Variants in DNAH8 observed in about 807,000 individuals in gnomAD.
DNAH8 encodes axonemal beta dynein heavy chain 8.
Under a neutral mutation model 562.1 loss-of-function variants are expected in DNAH8, and 382 were observed. The ratio of observed to expected loss-of-function variants is 0.68; its 90% CI spans 0.63 to 0.74. DNAH8 has a LOEUF of 0.74. DNAH8 is among the 30% of genes least tolerant of loss of function. The probability of loss-of-function intolerance (pLI) is 0.00; values close to 1 mark genes in which losing one functional copy is unlikely to be tolerated. For synonymous variants in DNAH8, 1,881 were observed against 1,919.4 expected, an observed-to-expected ratio of 0.98 and a Z score of 0.52; for missense variants, 5,203 against 5,620.4, an observed-to-expected ratio of 0.93 and a Z score of 2.37.
intron 92 of DNAH8, 100 bp from the exon 93 acceptor site, chr6:39,030,005 C>A: frequency 1.1e-6 from 1 of 904,136 alleles, no homozygotes; most frequent in Non-Finnish European, 1.7e-6. Flanking sequence ...TGTTTTAAGA[C>A]TGGTGTGTGT....
intron 82 of DNAH8, among the ~76,000 whole-genome samples, chr6:38,970,104 G>C (rs982446194): frequency 1.3e-5 from 2 of 152,106 alleles, no homozygotes; most frequent in African/African-American, 4.8e-5. Context: ...CTGTCCCAGG[G>C]CCACCTGAAC....
intron 85 of DNAH8, 65 bp from the exon 86 acceptor site, chr6:38,982,281 A>G (rs752429878): frequency 2.9e-5 from 21 of 718,196 alleles, no homozygotes; most frequent in Non-Finnish European, 5.1e-5. Context: ...ATTTTACTGT[A>G]TTTTGATAGC....
chr6:38,887,691 A>G (rs562636568), intron 57 of DNAH8, among the ~76,000 whole-genome samples: 1 of 152,286 alleles, frequency 6.6e-6, no homozygotes, highest in Non-Finnish European at 1.5e-5. Flanking sequence ...TGGGTAACAG[A>G]GTAAGAACCT....
intron 37 of DNAH8, among the ~76,000 whole-genome samples, chr6:38,849,089 A>C (rs953880979): frequency 2.6e-5 from 4 of 152,134 alleles, no homozygotes; most frequent in Admixed American, 2.6e-4. Context: ...CTGGCCCTTC[A>C]CAGAAAAAGT....
rs377010756 is a variant in DNAH8, at chr6:38,941,926, C to A, written c.12007+2938C>A. On this transcript the variant is annotated intron_variant, in intron 79 of 92. Coordinates refer to ENST00000327475, the MANE Select transcript of DNAH8 (RefSeq NM_001206927.2). ...ACCCCCTCCAAGGTGATGGTATTAG[C>A]ATGTGAGGCCTTTGGAAGGTGATTA... Among the ~76,000 whole-genome samples the A allele has an allele frequency of 2.0e-5, 3 of 152,266 alleles. No individual in the cohort carries two copies. In the East Asian group the frequency reaches 5.8e-4, roughly 29 times the overall value.
chr6:38,864,001 A>G lies in DNAH8; in HGVS notation c.6439A>G (p.Ile2147Val). The G allele has an allele frequency of 6.2e-7, 1 of 1,610,778 alleles. No homozygotes were observed. The highest frequency in any genetic ancestry group is 8.5e-7 in the Non-Finnish European group (1 of 1,179,382). ...AAGAAAAGAAAGAAAGAAACAGTTC[A>G]TTTTTTCTGATGGTGATTGTGTTGA... ...TARKERKKQF[I>V]FSDGDCVDLN... Residue 2147 changes from isoleucine to valine, a missense_variant, in exon 45 of 93, where the codon ATT becomes GTT. Transcript: ENST00000327475.
intron 1 of DNAH8, among the ~76,000 whole-genome samples, chr6:38,718,708 G>A (rs368931723): frequency 1.3e-5 from 2 of 152,004 alleles, no homozygotes; most frequent in Admixed American, 6.6e-5. Flanking sequence ...ACTTGTATTC[G>A]CAGAAACAGA....
chr6:38,862,607 C>A (rs1432910683), intron 44 of DNAH8, 149 bp downstream of exon 44: 13 of 888,530 alleles, frequency 1.5e-5, no homozygotes, highest in Non-Finnish European at 2.2e-5. Flanking sequence ...TTTTCTAGGT[C>A]AAAAATGGCT....
chr6:38,971,464 C>A, intron 82 of DNAH8, 128 bp from the exon 83 acceptor site: 2 of 547,706 alleles, frequency 3.7e-6, no homozygotes, highest in Non-Finnish European at 5.8e-6. Context: ...CCTGTTTGAA[C>A]AGCAAAGATT....
chr6:39,030,475 C>A lies in DNAH8; in HGVS notation c.*83C>A. 3 of 1,234,732 alleles carry A rather than the reference C, an allele frequency of 2.4e-6. No homozygotes were observed. Among genetic ancestry groups the A allele is most frequent in the South Asian group, 1.4e-5 (1 of 69,212 alleles). 76.5% of individuals were successfully genotyped at this position (1,234,732 alleles called of 1,614,324 possible). On this transcript the variant is annotated 3_prime_UTR_variant, in exon 93 of 93. Transcript: ENST00000327475. ...GGACTCAGTGATGTGTGTGTCTTTTCTCCCCAGTAATTCCTTAATTACTCT... is the reference window on the plus strand; with the variant it reads ...GGACTCAGTGATGTGTGTGTCTTTTATCCCCAGTAATTCCTTAATTACTCT...
chr6:38,995,112 A>G (rs114751664), intron 88 of DNAH8, among the ~76,000 whole-genome samples: 1,492 of 116,718 alleles, frequency 0.013, 22 homozygotes, highest in African/African-American at 0.045. Flanking sequence ...GTGTTTCTCT[A>G]TTGTTGTCAG....
At position 38,860,062 on chromosome 6, in the gene DNAH8, C is replaced by T. The variant is rs140188387; in HGVS notation, c.5959-395C>T. On this transcript the variant is annotated intron_variant, in intron 42 of 92. Coordinates refer to ENST00000327475, the MANE Select transcript of DNAH8 (RefSeq NM_001206927.2). ...CACCCTCATGATCCCTTTTGTTCCC[C>T]GCTCCTGGTGGCCCTGGCTAATTCC... Among the ~76,000 whole-genome samples, 816 of 152,246 alleles carry T rather than the reference C, an allele frequency of 5.4e-3. 12 individuals are homozygous for T. Among genetic ancestry groups the T allele is most frequent in the African/African-American group, 0.019 (773 of 41,544 alleles).
chr6:38,759,307 C>CAAAA (rs1399942983), intron 10 of DNAH8, among the ~76,000 whole-genome samples: 1 of 131,616 alleles, frequency 7.6e-6, no homozygotes, highest in African/African-American at 3.1e-5. Context: ...GACCCTGTCT[C>CAAAA]AAAAAACAAA....
At chr6:38,859,404 G>A (rs1564377) in intron 42 of DNAH8, among the ~76,000 whole-genome samples, 64,119 of 151,954 alleles carry the variant, frequency 0.42, 14,147 homozygotes, top group East Asian at 0.69. Flanking sequence ...AACAACAATA[G>A]CAAAAAGCAG....
intron 44 of DNAH8, among the ~76,000 whole-genome samples, chr6:38,863,335 T>TAGG (rs35040020): frequency 0.6 from 91,297 of 151,444 alleles, 27,905 homozygotes; most frequent in East Asian, 0.7. Context: ...GAGGCTGAGC[T>TAGG]AGAATTGCTT....
chr6:38,768,274 G>A (rs1767215601), intron 11 of DNAH8, among the ~76,000 whole-genome samples: 1 of 151,542 alleles, frequency 6.6e-6, no homozygotes, highest in Non-Finnish European at 1.5e-5. Context: ...TATTTATTTT[G>A]CTTGTTCGTT....
chr6:38,829,456 T>C (rs1192019712), intron 30 of DNAH8, among the ~76,000 whole-genome samples: 2 of 152,212 alleles, frequency 1.3e-5, no homozygotes, highest in Non-Finnish European at 2.9e-5. Flanking sequence ...ATGAGAGTTT[T>C]ATAACTTTAG....
chr6:38,879,919 G>T (rs1025215996), intron 53 of DNAH8, among the ~76,000 whole-genome samples: 1 of 152,072 alleles, frequency 6.6e-6, no homozygotes, highest in Non-Finnish European at 1.5e-5. Context: ...GTTGAAAATT[G>T]AATTTTAAGA....
chr6:38,868,697 CAG>C (rs1455601003), intron 48 of DNAH8, among the ~76,000 whole-genome samples: 1 of 149,554 alleles, frequency 6.7e-6, no homozygotes. Flanking sequence ...TTCTTTGAAA[CAG>C]ACTCTCAGTC....
Sources: gnomAD v4.1 joint callset for allele counts (sites outside exome capture counted in the v4.1 genomes callset) on GRCh38, gnomAD v4.1.1 for gene constraint, MANE v1.5 for transcripts, NCBI Gene and HGNC (gene_info 2026-07-23, HGNC 2026-07-21) for gene names.